CSMD1: variants seen among roughly 807,000 people sequenced by gnomAD.
CSMD1 encodes the protein CUB and Sushi multiple domains 1, also known as CUB and sushi domain-containing protein 1.
CSMD1 carries 213 observed loss-of-function variants against 417.5 expected under a neutral mutation model. The observed-to-expected ratio is 0.51, with a 90% CI of 0.46 to 0.57. The LOEUF (loss-of-function observed/expected upper bound fraction) is 0.57. Ranked by LOEUF, CSMD1 falls within the 20% of genes least tolerant of loss-of-function variation. The pLI is 0.00. For missense variants in CSMD1, 6,923 were observed against 4,529.7 expected (o/e 1.53, Z -15.17); for synonymous variants, 2,862 against 1,736.8 (o/e 1.65, Z -16.11).
chr8:3,873,006 C>A (rs1458868682), intron 5 of CSMD1, among the ~76,000 whole-genome samples: 1 of 151,960 alleles, frequency 6.6e-6, no homozygotes, highest in East Asian at 1.9e-4. Flanking sequence ...CAGTGAGATA[C>A]CATCTCACAC....
intron 17 of CSMD1, among the ~76,000 whole-genome samples, chr8:3,390,559 G>A (rs915540864): frequency 6.6e-5 from 10 of 151,954 alleles, no homozygotes; most frequent in African/African-American, 2.4e-4. Context: ...ACCGGACTTT[G>A]TTGAAACGAC....
intron 1 of CSMD1, among the ~76,000 whole-genome samples, chr8:4,677,564 T>A (rs1231390676): frequency 6.6e-6 from 1 of 152,190 alleles, no homozygotes; most frequent in Admixed American, 6.5e-5. Flanking sequence ...AATACTCACT[T>A]TGATGCTTTC....
intron 2 of CSMD1, among the ~76,000 whole-genome samples, chr8:4,468,096 T>G (rs912616943): frequency 2.0e-5 from 3 of 152,194 alleles, no homozygotes; most frequent in Non-Finnish European, 4.4e-5. Flanking sequence ...ACTGTTCTGA[T>G]GAACCGCTTT....
intron 2 of CSMD1, among the ~76,000 whole-genome samples, chr8:4,438,207 G>A (rs1419734494): frequency 6.6e-6 from 1 of 152,172 alleles, no homozygotes; most frequent in Non-Finnish European, 1.5e-5. Context: ...CGATCTGCAA[G>A]AAACTCCTGA....
In CSMD1 at chr8:3,269,140, A is replaced by G. The variant is rs993665744; in HGVS notation, c.4153+15004T>C. 1.1e-4 allele frequency among the ~76,000 whole-genome samples: 16 copies of G among 152,334 alleles called. No homozygotes were observed. The East Asian group carries it at 1.9e-3, about 18-fold the overall frequency. ...CAGCTAAACCAGCATCTTACTTTCAATCAATTCAACACGCATTCTTCGTAT... is the reference window on the plus strand; with the variant it reads ...CAGCTAAACCAGCATCTTACTTTCAGTCAATTCAACACGCATTCTTCGTAT... On this transcript the variant is annotated intron_variant, in intron 26 of 69. Coordinates refer to ENST00000635120, the MANE Select transcript of CSMD1 (RefSeq NM_033225.6).
intron 1 of CSMD1, among the ~76,000 whole-genome samples, chr8:4,794,159 T>A (rs1797848469): frequency 6.6e-6 from 1 of 152,210 alleles, no homozygotes; most frequent in South Asian, 2.1e-4. Flanking sequence ...TCAAACTCAA[T>A]ATTGTTCTCT....
At chr8:3,656,897 C>G (rs1351667437) in intron 7 of CSMD1, among the ~76,000 whole-genome samples, 1 of 151,166 alleles carries the variant, frequency 6.6e-6, no homozygotes, top group African/African-American at 2.4e-5. Context: ...TGCACTCCAG[C>G]CTGGGCAACA....
chr8:3,662,462 C>T (rs1798469053), intron 7 of CSMD1, among the ~76,000 whole-genome samples: 1 of 152,104 alleles, frequency 6.6e-6, no homozygotes, highest in Admixed American at 6.5e-5. Flanking sequence ...GGGTTGGTTC[C>T]AAGTCTTGGT....
rs114959618 is a variant in CSMD1 at position 3,029,616 on chromosome 8, T to C, written c.7661-103A>G. On this transcript the variant is annotated intron_variant, in intron 50 of 69. Coordinates refer to ENST00000635120, the MANE Select transcript of CSMD1 (RefSeq NM_033225.6). ...GTCTTGCTATATGAAACTGATCTTG[T>C]TTGGCAAAGTTGATGCCATTACGTA... is the stretch of plus-strand genomic sequence containing the variant. 246 of 945,036 alleles carry C rather than the reference T, an allele frequency of 2.6e-4. 2 individuals are homozygous for C. In the African/African-American group the frequency reaches 3.5e-3, roughly 13 times the overall value. The allele number at this position is 945,036 out of a possible 1,614,324, so 58.5% of individuals were successfully genotyped here. A position where few individuals can be genotyped will look rare whatever the true frequency, so the allele number is the denominator to read the frequency against.
chr8:3,136,186 A>C (rs1198243776), intron 41 of CSMD1, among the ~76,000 whole-genome samples: 3 of 151,812 alleles, frequency 2.0e-5, no homozygotes, highest in East Asian at 3.9e-4. Flanking sequence ...CTCTATTTTC[A>C]CAATTATATG....
chr8:3,674,713 G>A (rs999617502), intron 7 of CSMD1, among the ~76,000 whole-genome samples: 1 of 152,128 alleles, frequency 6.6e-6, no homozygotes, highest in African/African-American at 2.4e-5. Flanking sequence ...GAGAGCCCCA[G>A]TCTTGCTGAT....
chr8:4,754,444 T>C (rs767220279), intron 1 of CSMD1, among the ~76,000 whole-genome samples: 5 of 152,150 alleles, frequency 3.3e-5, no homozygotes, highest in Non-Finnish European at 5.9e-5. Context: ...CTAACTTGTA[T>C]ACTTCCCAAA....
chr8:4,968,883 C>A (rs1020895133), intron 1 of CSMD1, among the ~76,000 whole-genome samples: 22 of 152,312 alleles, frequency 1.4e-4, no homozygotes, highest in African/African-American at 4.6e-4. Context: ...AAGCATCAGT[C>A]TGTCTCTCGG....
intron 5 of CSMD1, among the ~76,000 whole-genome samples, chr8:3,956,335 G>T (rs548514145): frequency 6.6e-6 from 1 of 152,276 alleles, no homozygotes; most frequent in Non-Finnish European, 1.5e-5. Flanking sequence ...AACTGAATCA[G>T]CAAGATGTTA....
chr8:4,140,768 C>A (rs1358597405), intron 3 of CSMD1, among the ~76,000 whole-genome samples: 1 of 151,016 alleles, frequency 6.6e-6, no homozygotes, highest in Non-Finnish European at 1.5e-5. Context: ...TCCCCTCCAG[C>A]TTTGCTCTCC....
chr8:3,289,664 G>C (rs1803406301), intron 25 of CSMD1, among the ~76,000 whole-genome samples: 1 of 141,166 alleles, frequency 7.1e-6, no homozygotes, highest in Admixed American at 6.9e-5. Flanking sequence ...CCCACTTTTT[G>C]ATGGGGTTGT....
chr8:3,640,849 C>T (rs752746500), intron 7 of CSMD1, among the ~76,000 whole-genome samples: 1 of 151,810 alleles, frequency 6.6e-6, no homozygotes, highest in Non-Finnish European at 1.5e-5. Flanking sequence ...AATCTTACCT[C>T]ACTACTTTTT....
At chr8:3,667,035 A>T (rs1238116564) in intron 7 of CSMD1, among the ~76,000 whole-genome samples, 1 of 152,166 alleles carries the variant, frequency 6.6e-6, no homozygotes, top group African/African-American at 2.4e-5. Context: ...AGCTAGAAGT[A>T]TGCTCAGATC....
chr8:4,499,513 G>A (rs768696320), intron 2 of CSMD1, among the ~76,000 whole-genome samples: 2 of 152,330 alleles, frequency 1.3e-5, no homozygotes, highest in Non-Finnish European at 2.9e-5. Context: ...CTTTCAAGGA[G>A]TTACTTTATC....
Sources: gnomAD v4.1 joint callset for allele counts (sites outside exome capture counted in the v4.1 genomes callset) on GRCh38, gnomAD v4.1.1 for gene constraint, MANE v1.5 for transcripts, NCBI Gene and HGNC (gene_info 2026-07-23, HGNC 2026-07-21) for gene names.